DIP2C: variants seen among roughly 807,000 people sequenced by gnomAD.
DIP2C encodes disco-interacting protein 2 homolog C.
In DIP2C, 33 loss-of-function variants were observed where a neutral mutation model predicts 192.4. The observed-to-expected ratio is 0.17, with a 90% confidence interval of 0.13 to 0.23. The LOEUF (loss-of-function observed/expected upper bound fraction) is 0.23, where lower values mean the gene tolerates loss of function less well. Among genes scored for constraint, DIP2C ranks in the 10% least tolerant of loss-of-function variants. The probability of loss-of-function intolerance (pLI) is 1.00; values close to 1 mark genes in which losing one functional copy is unlikely to be tolerated. For synonymous variants in DIP2C, 979 were observed against 864.1 expected, an observed-to-expected ratio of 1.13 and a Z score of -2.33; for missense variants, 1,537 against 2,110.1, an observed-to-expected ratio of 0.73 and a Z score of 5.32.
At chr10:463,763 C>T (rs1363916163) in intron 3 of DIP2C, among the ~76,000 whole-genome samples, 1 of 152,082 alleles carries the variant, frequency 6.6e-6, no homozygotes, top group Admixed American at 6.5e-5. Flanking sequence ...CTACAGTAAC[C>T]AAAACAGCAT....
At chr10:293,181 T>C (rs1046431842) in intron 32 of DIP2C, among the ~76,000 whole-genome samples, 9 of 152,238 alleles carry the variant, frequency 5.9e-5, no homozygotes, top group Admixed American at 3.3e-4. Context: ...TACTCAGCAC[T>C]GGCCTGATGG....
At chr10:536,683 G>T (rs1475564024) in intron 1 of DIP2C, among the ~76,000 whole-genome samples, 2 of 152,298 alleles carry the variant, frequency 1.3e-5, no homozygotes, top group South Asian at 2.1e-4. Context: ...GTGGAGGGGG[G>T]GCCATCCTGA....
chr10:307,327 C>A (rs990104167), intron 32 of DIP2C, among the ~76,000 whole-genome samples: 6 of 152,208 alleles, frequency 3.9e-5, no homozygotes, highest in African/African-American at 1.4e-4. Context: ...GACCCAGAGC[C>A]CCCTGCCAGT....
intron 4 of DIP2C, chr10:430,446 T>A (rs1204226739): frequency 1.3e-5 from 2 of 152,174 alleles, no homozygotes; most frequent in Non-Finnish European, 2.9e-5. Context: ...ACTCAAGTGA[T>A]CCTCCCGCCT....
intron 1 of DIP2C, among the ~76,000 whole-genome samples, chr10:506,733 T>C (rs1045841932): frequency 1.3e-5 from 2 of 152,180 alleles, no homozygotes; most frequent in Admixed American, 6.5e-5. Context: ...GGCCACAGCC[T>C]GGAGCCCCCA....
At position 543,601 on chromosome 10, in the gene DIP2C, C is replaced by G. The variant is rs547707676; in HGVS notation, c.86-57071G>C. Among the ~76,000 whole-genome samples the G allele has an allele frequency of 1.4e-4, 22 of 152,318 alleles. No individual in the cohort carries two copies. In the South Asian group the frequency reaches 2.9e-3, roughly 20 times the overall value. Reference sequence around the variant, plus strand: ...TAACATATAGTATGGATCGTTGTGTCTCCTAGGCTCAAACACATCCTTTAA... The same window carrying G: ...TAACATATAGTATGGATCGTTGTGTGTCCTAGGCTCAAACACATCCTTTAA... On this transcript the variant is annotated intron_variant, in intron 1 of 36. Coordinates refer to ENST00000280886, the MANE Select transcript of DIP2C (RefSeq NM_014974.3).
intron 4 of DIP2C, among the ~76,000 whole-genome samples, chr10:432,084 ATTT>A (rs201658469): frequency 6.8e-6 from 1 of 147,084 alleles, no homozygotes; most frequent in African/African-American, 2.5e-5. Flanking sequence ...TTGGTGCACA[ATTT>A]TTTTTTTTTA....
chr10:680,687 T>A (rs559824476), intron 1 of DIP2C, among the ~76,000 whole-genome samples: 1 of 152,218 alleles, frequency 6.6e-6, no homozygotes, highest in Non-Finnish European at 1.5e-5. Context: ...TGAATTTCCA[T>A]GCGATGAGAA....
chr10:420,708 G>C (rs563609509), intron 5 of DIP2C, among the ~76,000 whole-genome samples: 3 of 152,158 alleles, frequency 2.0e-5, no homozygotes, highest in Non-Finnish European at 4.4e-5. Context: ...CTTAATTGCC[G>C]GCATAATTAA....
At chr10:319,838 A>AT (rs1956930820) in intron 31 of DIP2C, among the ~76,000 whole-genome samples, 2 of 152,186 alleles carry the variant, frequency 1.3e-5, no homozygotes, top group African/African-American at 2.4e-5. Context: ...AGCTTTGTCA[A>AT]TTAGGAAAGT....
chr10:514,941 A>G (rs1216654600), intron 1 of DIP2C, among the ~76,000 whole-genome samples: 5 of 152,218 alleles, frequency 3.3e-5, no homozygotes, highest in Non-Finnish European at 7.3e-5. Context: ...TAGTAGCAAA[A>G]AACAAGCTTT....
At position 353,172 on chromosome 10, in the gene DIP2C, A is replaced by G. The variant is rs937826163; in HGVS notation, c.2985+3254T>C. On this transcript the variant is annotated intron_variant, in intron 24 of 36. Coordinates refer to ENST00000280886, the MANE Select transcript of DIP2C (RefSeq NM_014974.3). ...TGGGAGGCAGCATGACCGGAGGGGC[A>G]CACAGGGAAACACAAAGAGTCTGCC... Among the ~76,000 whole-genome samples the G allele has an allele frequency of 2.1e-3, 4 of 1,934 alleles. No individual in the cohort carries two copies. In the Non-Finnish European group the frequency reaches 0.12, roughly 57 times the overall value. The allele number at this position is 1,934 out of a possible 152,430, so 1.3% of individuals were successfully genotyped here. A position where few individuals can be genotyped will look rare whatever the true frequency, so the allele number is the denominator to read the frequency against.
chr10:381,440 A>C (rs116110808), intron 17 of DIP2C, among the ~76,000 whole-genome samples: 4 of 152,130 alleles, frequency 2.6e-5, no homozygotes, highest in Non-Finnish European at 5.9e-5. Flanking sequence ...TGTTGAGCCC[A>C]ATCACGCCAA....
At chr10:416,070 C>G (rs552114177) in intron 6 of DIP2C, among the ~76,000 whole-genome samples, 182 bp from the exon 7 acceptor site, 1 of 151,490 alleles carries the variant, frequency 6.6e-6, no homozygotes, top group Non-Finnish European at 1.5e-5. Context: ...GGCAGGAGAC[C>G]GGACAGAGAT....
intron 1 of DIP2C, among the ~76,000 whole-genome samples, chr10:641,495 G>A (rs1293668746): frequency 6.6e-6 from 1 of 152,148 alleles, no homozygotes; most frequent in African/African-American, 2.4e-5. Flanking sequence ...TCATGAAGAT[G>A]ATACTCACAC....
intron 32 of DIP2C, among the ~76,000 whole-genome samples, chr10:302,705 C>T (rs1956109966): frequency 6.6e-6 from 1 of 152,166 alleles, no homozygotes; most frequent in Admixed American, 6.5e-5. Flanking sequence ...ACCTGGACAA[C>T]ATGTGACTAC....
chr10:342,645 C>T (rs1335572177), intron 28 of DIP2C, among the ~76,000 whole-genome samples: 1 of 152,168 alleles, frequency 6.6e-6, no homozygotes, highest in Admixed American at 6.5e-5. Flanking sequence ...AAAGTGAAGG[C>T]TCACAGAAGT....
At chr10:353,611 CA>C (rs921603745) in intron 24 of DIP2C, among the ~76,000 whole-genome samples, 1 of 152,144 alleles carries the variant, frequency 6.6e-6, no homozygotes, top group Non-Finnish European at 1.5e-5. Context: ...AGGCTGGTCT[CA>C]AACTCCCGAC....
Position 336,077 on chromosome 10 carries a change from T to A in DIP2C, c.3584+5122A>T, listed in dbSNP as rs542311235. 1.8e-4 allele frequency among the ~76,000 whole-genome samples: 27 copies of A among 151,946 alleles called. 1 individual carries two copies. Among genetic ancestry groups the A allele is most frequent in the South Asian group, 1.0e-3 (5 of 4,804 alleles). On this transcript the variant is annotated intron_variant, in intron 29 of 36. Coordinates refer to ENST00000280886, the MANE Select transcript of DIP2C (RefSeq NM_014974.3). The stretch of plus-strand genomic sequence containing the variant: ...TACACCCGGCTAACTAAAAAAAAAA[T>A]GTTTTTGTAGGCTAGGTGTGGTGGT...
Sources: allele counts gnomAD v4.1 joint callset (sites outside exome capture counted in the v4.1 genomes callset), GRCh38; gene constraint gnomAD v4.1.1; transcripts MANE v1.5; gene names NCBI Gene and HGNC (gene_info 2026-07-23, HGNC 2026-07-21).